The following CDH18 variants were observed in gnomAD, a reference collection of about 807,000 sequenced individuals.
CDH18 encodes the protein cadherin 18.
CDH18 carries 31 observed loss-of-function variants against 67.9 expected under a neutral mutation model. The observed-to-expected ratio is 0.46, with a 90% CI of 0.34 to 0.62. CDH18 has a LOEUF of 0.62. Ranked by LOEUF, CDH18 falls within the 20% of genes least tolerant of loss-of-function variation. The pLI, the probability that CDH18 is intolerant of heterozygous loss-of-function variation, is 0.01. For synonymous variants in CDH18, 362 were observed against 347.2 expected (o/e 1.04, Z -0.48); for missense variants, 890 against 975.5 (o/e 0.91, Z 1.17).
intron 2 of CDH18, among the ~76,000 whole-genome samples, chr5:20,144,849 G>A (rs559103132): frequency 6.6e-6 from 1 of 152,184 alleles, no homozygotes; most frequent in East Asian, 1.9e-4. Context: ...TTATAAAAGG[G>A]GGACAACTGG....
chr5:19,984,487 C>T (rs544563810), intron 1 of CDH18, among the ~76,000 whole-genome samples: 1 of 152,268 alleles, frequency 6.6e-6, no homozygotes, highest in South Asian at 2.1e-4. Flanking sequence ...TAGATGTTCA[C>T]TTTCATCCAT....
chr5:20,406,199 A>G (rs1016408963), intron 1 of CDH18, among the ~76,000 whole-genome samples: 1 of 152,198 alleles, frequency 6.6e-6, no homozygotes, highest in African/African-American at 2.4e-5. Flanking sequence ...TCCAACAATG[A>G]TAGACTGGAT....
At chr5:19,640,554 A>C (rs1415638935) in intron 5 of CDH18, among the ~76,000 whole-genome samples, 2 of 152,152 alleles carry the variant, frequency 1.3e-5, no homozygotes, top group African/African-American at 4.8e-5. Context: ...AGAAATAACC[A>C]GAAATATGTG....
intron 2 of CDH18, among the ~76,000 whole-genome samples, chr5:20,181,733 T>C (rs1374005627): frequency 6.6e-6 from 1 of 152,138 alleles, no homozygotes; most frequent in East Asian, 1.9e-4. Context: ...ATCCAGGGCC[T>C]GCTTGCGTTA....
chr5:20,299,757 CAAAAAAAAAAA>C, intron 1 of CDH18, among the ~76,000 whole-genome samples: 1 of 107,462 alleles, frequency 9.3e-6, no homozygotes, highest in South Asian at 3.4e-4. Context: ...GGCTCTGTCT[CAAAAAAAAAAA>C]AAAAAAAGAA....
intron 2 of CDH18, among the ~76,000 whole-genome samples, chr5:20,109,583 G>C: frequency 6.6e-6 from 1 of 152,186 alleles, no homozygotes; most frequent in East Asian, 1.9e-4. Flanking sequence ...TCAGCAGGTA[G>C]TTTTCCTTCA....
intron 2 of CDH18, among the ~76,000 whole-genome samples, chr5:19,915,868 G>A (rs1791719758): frequency 6.6e-6 from 1 of 152,060 alleles, no homozygotes; most frequent in Non-Finnish European, 1.5e-5. Context: ...CCAGATCATA[G>A]TTAGGATTCA....
intron 1 of CDH18, among the ~76,000 whole-genome samples, chr5:20,561,005 C>T (rs1462355156): frequency 6.6e-6 from 1 of 151,950 alleles, no homozygotes; most frequent in African/African-American, 2.4e-5. Flanking sequence ...TAATATAAAA[C>T]AATGTTCCAT....
intron 2 of CDH18, among the ~76,000 whole-genome samples, chr5:20,198,963 G>A (rs1393310247): frequency 6.6e-6 from 1 of 152,208 alleles, no homozygotes; most frequent in Non-Finnish European, 1.5e-5. Flanking sequence ...TTGAGGTTTG[G>A]GAACTTCCAC....
chr5:19,837,064 G>T (rs968828408), intron 3 of CDH18, among the ~76,000 whole-genome samples: 1 of 152,076 alleles, frequency 6.6e-6, no homozygotes, highest in Non-Finnish European at 1.5e-5. Context: ...TTATACCAGG[G>T]AATACTATGC....
At chr5:20,008,517 C>A (rs904004362) in intron 2 of CDH18, among the ~76,000 whole-genome samples, 1 of 152,072 alleles carries the variant, frequency 6.6e-6, no homozygotes, top group Non-Finnish European at 1.5e-5. Context: ...GTGTTTCCCA[C>A]GAAAGTTAAT....
chr5:19,903,752 G>A (rs1790223148), intron 2 of CDH18, among the ~76,000 whole-genome samples: 1 of 148,902 alleles, frequency 6.7e-6, no homozygotes, highest in Non-Finnish European at 1.5e-5. Flanking sequence ...AATAAAAAAT[G>A]TGTCCATTAT....
At chr5:20,396,653 T>C (rs1580901083) in intron 1 of CDH18, among the ~76,000 whole-genome samples, 1 of 55,664 alleles carries the variant, frequency 1.8e-5, no homozygotes, top group African/African-American at 3.2e-5. Flanking sequence ...ATCTAATGAA[T>C]TGATTTATTT....
At chr5:20,331,613 C>G (rs933918091) in intron 1 of CDH18, among the ~76,000 whole-genome samples, 5 of 152,092 alleles carry the variant, frequency 3.3e-5, no homozygotes, top group Non-Finnish European at 7.3e-5. Flanking sequence ...TCAACAGGAG[C>G]ACTTAGTTAT....
chr5:19,635,827 G>A lies in CDH18; in HGVS notation c.644-23226C>T, dbSNP rs75384866. On this transcript the variant is annotated intron_variant, in intron 5 of 12. Transcript: ENST00000382275. ...TAACAAGTTTAACATGGTTGTTCAG[G>A]ATCATATTATCCAAAGTAACTGCAC... Among the ~76,000 whole-genome samples, 956 of 152,164 alleles carry A rather than the reference G, an allele frequency of 6.3e-3. 9 individuals carry two copies. The highest frequency in any genetic ancestry group is 0.022 in the African/African-American group (917 of 41,500).
In CDH18 at chr5:19,503,249, TAAAAC is replaced by T. The variant is rs907352625; in HGVS notation, c.1513-145_1513-141del. On this transcript the variant is annotated intron_variant, in intron 10 of 12. Transcript: ENST00000382275. ...TGAGTTATTTTTCAAATTCAGGTCATAAAACAATCAACTAAATTGCTGTATCCTGC... is the reference window on the plus strand; with the variant it reads ...TGAGTTATTTTTCAAATTCAGGTCATAATCAACTAAATTGCTGTATCCTGC... 38 of 595,702 alleles carry T rather than the reference TAAAAC, an allele frequency of 6.4e-5. No individual in the cohort carries two copies. The South Asian group carries it at 8.0e-4, about 13-fold the overall frequency. The allele number at this position is 595,702 out of a possible 1,614,324, so 36.9% of individuals were successfully genotyped here.
At chr5:20,519,092 C>T (rs62355215) in intron 1 of CDH18, among the ~76,000 whole-genome samples, 3,066 of 152,212 alleles carry the variant, frequency 0.02, 46 homozygotes, top group African/African-American at 0.04. Flanking sequence ...TTTTTAATTA[C>T]GGATGATTGA....
At chr5:20,368,206 T>C (rs1405950423) in intron 1 of CDH18, among the ~76,000 whole-genome samples, 1 of 152,232 alleles carries the variant, frequency 6.6e-6, no homozygotes, top group Non-Finnish European at 1.5e-5. Flanking sequence ...TTCAGTAGTA[T>C]AAAATGCAAA....
intron 1 of CDH18, among the ~76,000 whole-genome samples, chr5:20,326,372 T>C (rs1738578201): frequency 6.6e-6 from 1 of 152,120 alleles, no homozygotes; most frequent in African/African-American, 2.4e-5. Flanking sequence ...CCAATAGTCT[T>C]TACATATACT....
Sources: allele counts gnomAD v4.1 joint callset (sites outside exome capture counted in the v4.1 genomes callset), GRCh38; gene constraint gnomAD v4.1.1; transcripts MANE v1.5; gene names NCBI Gene and HGNC (gene_info 2026-07-23, HGNC 2026-07-21).